Variants in EPG5 observed in about 807,000 individuals in gnomAD.
EPG5 encodes ectopic P granules protein 5 homolog.
Under a neutral mutation model 302.7 loss-of-function variants are expected in EPG5, and 159 were observed. The observed-to-expected ratio is 0.53, with a 90% CI of 0.46 to 0.60. EPG5 has a LOEUF of 0.60. Ranked by LOEUF, EPG5 falls within the 20% of genes least tolerant of loss-of-function variation. The pLI, the probability that EPG5 is intolerant of heterozygous loss-of-function variation, is 0.00. For synonymous variants in EPG5, 1,158 were observed against 1,136.8 expected, an observed-to-expected ratio of 1.02 and a Z score of -0.37; for missense variants, 2,896 against 3,092.4, an observed-to-expected ratio of 0.94 and a Z score of 1.51.
At chr18:45,872,441 C>T (rs1259195489) in intron 35 of EPG5, among the ~76,000 whole-genome samples, 4 of 152,180 alleles carry the variant, frequency 2.6e-5, no homozygotes, top group Admixed American at 2.0e-4. Flanking sequence ...CAGTGGCTCA[C>T]GCTTGCAATC....
At chr18:45,882,166 C>G in intron 31 of EPG5, 108 bp downstream of exon 31, 1 of 999,002 alleles carries the variant, frequency 1.0e-6, no homozygotes, top group Non-Finnish European at 1.5e-6. Flanking sequence ...TTCTAAACTC[C>G]TATACTGGTA....
At chr18:45,886,108 C>T (rs2049211145) in intron 29 of EPG5, among the ~76,000 whole-genome samples, 1 of 152,130 alleles carries the variant, frequency 6.6e-6, no homozygotes, top group South Asian at 2.1e-4. Flanking sequence ...GCAAAATTCC[C>T]AGGGAAGGCA....
intron 9 of EPG5, among the ~76,000 whole-genome samples, chr18:45,942,168 T>C (rs191746500): frequency 2.8e-3 from 420 of 152,054 alleles, no homozygotes; most frequent in African/African-American, 9.6e-3. Context: ...GAGGTTGCAG[T>C]GAGCCGAGAT....
At chr18:45,829,059 G>A in the EPG5 span, 5 of 984,386 alleles carry the variant, frequency 5.1e-6, no homozygotes, top group Non-Finnish European at 6.0e-6. Flanking sequence ...CACTATGGAG[G>A]CTGGGCAGGG....
intron 6 of EPG5, 60 bp from the exon 7 acceptor site, chr18:45,946,828 G>T: frequency 2.3e-6 from 3 of 1,298,080 alleles, no homozygotes; most frequent in Admixed American, 1.7e-5. Context: ...GTGCATTGTG[G>T]ATTCTCTACT....
At chr18:45,900,160 T>C (rs1455694142) in intron 26 of EPG5, among the ~76,000 whole-genome samples, 2 of 152,124 alleles carry the variant, frequency 1.3e-5, no homozygotes, top group Admixed American at 6.5e-5. Context: ...CCCAGCACTT[T>C]GGGAGGCCGA....
At chr18:45,944,873 A>G (rs1055339205) in intron 7 of EPG5, among the ~76,000 whole-genome samples, 2 of 152,244 alleles carry the variant, frequency 1.3e-5, no homozygotes, top group South Asian at 4.1e-4. Context: ...GACATTTGCT[A>G]TAGGTGACTA....
At chr18:45,828,974 C>A in the EPG5 span, 1 of 440,824 alleles carries the variant, frequency 2.3e-6, no homozygotes. Flanking sequence ...CTCCCAGTGG[C>A]TGTTGTGAGC....
the EPG5 span, chr18:45,829,148 G>A: frequency 3.0e-6 from 3 of 985,542 alleles, no homozygotes; most frequent in Non-Finnish European, 3.6e-6. Context: ...CCCCACAGCA[G>A]GGTCAGCCTG....
intron 39 of EPG5, among the ~76,000 whole-genome samples, chr18:45,864,531 A>T (rs1191850392): frequency 6.6e-6 from 1 of 152,124 alleles, no homozygotes. Context: ...CACTATCTTC[A>T]ATCTTTTCAT....
chr18:45,879,050 G>A lies in EPG5; in HGVS notation c.5832C>T (p.Thr1944=), dbSNP rs369519447. The change falls in exon 33 of 44, where the codon ACC becomes ACT. Residue 1944 remains threonine (T), a synonymous_variant. Coordinates refer to ENST00000282041, the MANE Select transcript of EPG5 (RefSeq NM_020964.3). ...TGGCAGTTGGGTCTTGGGCCAAACA[G>A]GTCATTTCTAAGTCAATCAGCCTTT... ...LVKRLIDLEM[T]CLAQDPTASR... is the part of the protein sequence containing the mutation. The A allele has an allele frequency of 6.2e-7, 1 of 1,614,144 alleles. No individual in the cohort carries two copies. The highest frequency in any genetic ancestry group is 8.5e-7 in the Non-Finnish European group (1 of 1,180,024).
chr18:45,925,902 C>A lies in EPG5; in HGVS notation c.2554G>T (p.Val852Phe). ...AGTTCTTTAAACAAGTATAGAGAAACCTTATTAAAAAGAAAACAATAATCA... is the reference window on the plus strand; with the variant it reads ...AGTTCTTTAAACAAGTATAGAGAAAACTTATTAAAAAGAAAACAATAATCA... ...VQETIDQVGM[V>F]SLYLFKELPL... Residue 852 changes from valine to phenylalanine, a missense_variant and splice_region_variant, in exon 14 of 44, where the codon GTT becomes TTT. Val to Phe is a conservative substitution (Grantham distance 50). This residue lies in a region of EPG5 where 1,390 missense variants were observed against 1,430.0 expected (regional missense o/e 0.97). Coordinates refer to ENST00000282041, the MANE Select transcript of EPG5 (RefSeq NM_020964.3). The A allele has an allele frequency of 7.2e-7, 1 of 1,390,552 alleles. No homozygotes were observed. The highest frequency in any genetic ancestry group is 9.4e-7 in the Non-Finnish European group (1 of 1,061,308). The allele number at this position is 1,390,552 out of a possible 1,614,324, so 86.1% of individuals were successfully genotyped here. A position where few individuals can be genotyped will look rare whatever the true frequency, so the allele number is the denominator to read the frequency against.
At chr18:45,835,523 A>G in the EPG5 span, among the ~76,000 whole-genome samples, 1 of 152,228 alleles carries the variant, frequency 6.6e-6, no homozygotes, top group Non-Finnish European at 1.5e-5. Context: ...AAAAAATAAA[A>G]GGCCATGAAA....
chr18:45,811,548 C>T, the EPG5 span, among the ~76,000 whole-genome samples: 4 of 152,154 alleles, frequency 2.6e-5, no homozygotes, highest in Non-Finnish European at 4.4e-5. Context: ...TCCAGCAGCA[C>T]ATCAAAAAGC....
intron 22 of EPG5, among the ~76,000 whole-genome samples, chr18:45,911,339 G>A (rs1416681428): frequency 6.6e-6 from 1 of 150,990 alleles, no homozygotes; most frequent in Non-Finnish European, 1.5e-5. Flanking sequence ...AGGCTGGAGT[G>A]CACTGGCGTG....
At chr18:45,921,756 G>A (rs747183889) in intron 16 of EPG5, among the ~76,000 whole-genome samples, 1 of 151,848 alleles carries the variant, frequency 6.6e-6, no homozygotes, top group Non-Finnish European at 1.5e-5. Flanking sequence ...GGTGGAAATT[G>A]AACAATGAGA....
chr18:45,966,839 G>C (rs758723111), intron 1 of EPG5, among the ~76,000 whole-genome samples: 12 of 152,226 alleles, frequency 7.9e-5, no homozygotes, highest in Admixed American at 2.0e-4. Flanking sequence ...AGAGTAAAGA[G>C]AGAGTCAACG....
intron 40 of EPG5, among the ~76,000 whole-genome samples, chr18:45,859,096 A>T (rs1183362841): frequency 2.0e-5 from 3 of 152,224 alleles, no homozygotes; most frequent in Non-Finnish European, 4.4e-5. Flanking sequence ...TATGATCCTT[A>T]AAACCACATG....
rs200576622 is a variant in EPG5 at position 45,899,411 on chromosome 18, G to A, written c.4802C>T (p.Thr1601Met). ...GKKCQGAAVV[T>M]VQFEGMHKNE... ...AGAAATTTAAACACTTACCTGAACCGTGACAACTGCGGCTCCTTGGCATTT... is the reference window on the plus strand; with the variant it reads ...AGAAATTTAAACACTTACCTGAACCATGACAACTGCGGCTCCTTGGCATTT... The change falls in exon 27 of 44, where the codon ACG becomes ATG. Residue 1601 changes from threonine (T) to methionine (M), a missense_variant. Thr to Met is a moderately conservative substitution (Grantham distance 81). Around this residue, in one of 5 missense-constraint regions of EPG5, gnomAD observed 790 missense variants for 798.0 expected, o/e 0.99. Transcript: ENST00000282041. The A allele has an allele frequency of 1.5e-4, 239 of 1,613,984 alleles. 2 individuals carry two copies. The Admixed American group carries it at 3.7e-3, about 25-fold the overall frequency.
Sources: gnomAD v4.1 joint callset for allele counts (sites outside exome capture counted in the v4.1 genomes callset) on GRCh38, gnomAD v4.1.1 for gene constraint, gnomAD v4.1.1 regional missense constraint, MANE v1.5 for transcripts, NCBI Gene and HGNC (gene_info 2026-07-23, HGNC 2026-07-21) for gene names.